CTNNA3: variants seen among roughly 807,000 people sequenced by gnomAD.
CTNNA3 encodes the protein catenin alpha 3.
In CTNNA3, 76 loss-of-function variants were observed where a neutral mutation model predicts 95.7. The observed-to-expected ratio is 0.79, with a 90% CI of 0.66 to 0.96. The LOEUF (loss-of-function observed/expected upper bound fraction) is 0.96, where lower values mean the gene tolerates loss of function less well. CTNNA3 is among the 40% of genes least tolerant of loss of function. CTNNA3 has a pLI of 0.00. For synonymous variants in CTNNA3, 431 were observed against 374.4 expected (o/e 1.15, Z -1.74); for missense variants, 1,191 against 1,089.8 (o/e 1.09, Z -1.31).
chr10:67,319,938 C>T (rs1272252958), intron 5 of CTNNA3, among the ~76,000 whole-genome samples: 1 of 150,504 alleles, frequency 6.6e-6, no homozygotes, highest in Non-Finnish European at 1.5e-5. Flanking sequence ...GAAGATCTGT[C>T]TCTGAACTAG....
chr10:66,357,015 G>C (rs577509802), intron 12 of CTNNA3, among the ~76,000 whole-genome samples: 2 of 152,060 alleles, frequency 1.3e-5, no homozygotes, highest in South Asian at 4.1e-4. Context: ...CTAATATTTT[G>C]TTGCAGGTTT....
chr10:66,178,442 T>TATACAC (rs1306051576), intron 13 of CTNNA3, among the ~76,000 whole-genome samples: 1 of 95,494 alleles, frequency 1.0e-5, no homozygotes, highest in Non-Finnish European at 2.2e-5. Flanking sequence ...TATATATATA[T>TATACAC]ACACACACAG....
At chr10:67,345,937 A>G (rs1275379379) in intron 5 of CTNNA3, among the ~76,000 whole-genome samples, 1 of 152,008 alleles carries the variant, frequency 6.6e-6, no homozygotes, top group Non-Finnish European at 1.5e-5. Context: ...CCTTTGAATG[A>G]AGGTGTTTTC....
In CTNNA3 at chr10:67,377,054, G is replaced by T. The variant is rs149870409; in HGVS notation, c.579+144788C>A. 3.2e-3 allele frequency among the ~76,000 whole-genome samples: 482 copies of T among 152,318 alleles called. 5 individuals carry two copies. Among genetic ancestry groups the T allele is most frequent in the African/African-American group, 0.011 (461 of 41,574 alleles). On this transcript the variant is annotated intron_variant, in intron 5 of 17. Transcript: ENST00000433211. ...AGGCATGTTTGCATTCCAGTGCACA[G>T]ATAAAAGTGCTCTCTTCCTCTAGGG...
chr10:66,339,890 T>C (rs753324703), intron 12 of CTNNA3, among the ~76,000 whole-genome samples: 48 of 151,932 alleles, frequency 3.2e-4, no homozygotes, highest in Non-Finnish European at 5.9e-4. Flanking sequence ...GCTCCCTGCT[T>C]CTAATACCCA....
At chr10:67,645,193 G>A (rs947781891) in intron 2 of CTNNA3, among the ~76,000 whole-genome samples, 66 of 149,184 alleles carry the variant, frequency 4.4e-4, no homozygotes, top group African/African-American at 1.5e-3. Context: ...GCACGTGCGC[G>A]CACACACACA....
At chr10:66,920,694 C>T (rs1422760947) in intron 7 of CTNNA3, among the ~76,000 whole-genome samples, 1 of 152,134 alleles carries the variant, frequency 6.6e-6, no homozygotes, top group Non-Finnish European at 1.5e-5. Context: ...GAGCCAAATC[C>T]AGATTTAATC....
chr10:66,549,546 T>A (rs1842150118), intron 10 of CTNNA3, among the ~76,000 whole-genome samples: 1 of 152,180 alleles, frequency 6.6e-6, no homozygotes, highest in African/African-American at 2.4e-5. Context: ...CTCACTTACT[T>A]TCACCTTGTT....
chr10:67,463,222 A>C (rs972345436), intron 5 of CTNNA3, among the ~76,000 whole-genome samples: 3 of 152,022 alleles, frequency 2.0e-5, no homozygotes, highest in African/African-American at 7.2e-5. Flanking sequence ...GGATTATTTT[A>C]CATAATACAA....
chr10:66,598,196 GATA>G (rs1843790717), intron 10 of CTNNA3, among the ~76,000 whole-genome samples: 2 of 151,980 alleles, frequency 1.3e-5, no homozygotes, highest in South Asian at 4.1e-4. Context: ...AAAAGCATTT[GATA>G]ATATTTGACA....
chr10:67,701,664 C>T (rs981729373), intron 1 of CTNNA3, among the ~76,000 whole-genome samples: 1 of 152,200 alleles, frequency 6.6e-6, no homozygotes, highest in Non-Finnish European at 1.5e-5. Context: ...CCAGCTGCTG[C>T]AAATTCATGC....
intron 11 of CTNNA3, among the ~76,000 whole-genome samples, chr10:66,436,503 T>G (rs1317105828): frequency 2.7e-5 from 2 of 74,752 alleles, no homozygotes; most frequent in Admixed American, 1.1e-4. Flanking sequence ...AATCCCTGCT[T>G]TTTTTTTTTT....
In CTNNA3 at chr10:66,335,103, G is replaced by A. The variant is rs554271243; in HGVS notation, c.1732+44049C>T. On this transcript the variant is annotated intron_variant, in intron 12 of 17. Transcript: ENST00000433211. Reference sequence around the variant, plus strand: ...CATCAGGTCCTTTAAGGACTTCTCTGCATTGGTTATTCTAGTTAGCCATTT... The same window carrying A: ...CATCAGGTCCTTTAAGGACTTCTCTACATTGGTTATTCTAGTTAGCCATTT... Among the ~76,000 whole-genome samples the A allele has an allele frequency of 1.9e-4, 29 of 152,078 alleles. No homozygotes were observed. In the South Asian group the frequency reaches 5.8e-3, roughly 30 times the overall value.
At chr10:66,959,567 TC>T (rs971382725) in intron 7 of CTNNA3, among the ~76,000 whole-genome samples, 2 of 152,228 alleles carry the variant, frequency 1.3e-5, no homozygotes, top group Non-Finnish European at 2.9e-5. Context: ...AATTAACCTC[TC>T]TGGGAAATCT....
chr10:66,096,251 G>A (rs993652460), intron 14 of CTNNA3, among the ~76,000 whole-genome samples: 3 of 152,026 alleles, frequency 2.0e-5, no homozygotes, highest in Non-Finnish European at 2.9e-5. Flanking sequence ...AGTTTAAGTT[G>A]TGTGAGACAG....
At chr10:67,730,302 T>C (rs1841267352) in intron 1 of CTNNA3, among the ~76,000 whole-genome samples, 4 of 151,530 alleles carry the variant, frequency 2.6e-5, no homozygotes, top group Admixed American at 2.6e-4. Flanking sequence ...TTAGCCCTCA[T>C]TGGACCTTTC....
chr10:65,983,633 G>T (rs541038805), intron 16 of CTNNA3, among the ~76,000 whole-genome samples: 5 of 151,494 alleles, frequency 3.3e-5, no homozygotes, highest in African/African-American at 1.2e-4. Context: ...ACTGTCTAAA[G>T]GAGACAAAAT....
chr10:67,556,721 A>T (rs1237998715), intron 3 of CTNNA3, among the ~76,000 whole-genome samples: 1 of 151,968 alleles, frequency 6.6e-6, no homozygotes, highest in African/African-American at 2.4e-5. Context: ...GGATTCATTG[A>T]TTTTTTGAAG....
chr10:67,226,677 G>A (rs1301771566), intron 5 of CTNNA3, among the ~76,000 whole-genome samples: 2 of 152,136 alleles, frequency 1.3e-5, no homozygotes, highest in Non-Finnish European at 2.9e-5. Flanking sequence ...CAAATGCTAA[G>A]AGAATTTACC....
Sources: allele counts gnomAD v4.1 joint callset (sites outside exome capture counted in the v4.1 genomes callset), GRCh38; gene constraint gnomAD v4.1.1; transcripts MANE v1.5; gene names NCBI Gene and HGNC (gene_info 2026-07-23, HGNC 2026-07-21).